The following ITGB6 variants were observed in gnomAD, a reference collection of about 807,000 sequenced individuals.
ITGB6 encodes the protein integrin subunit beta 6.
Under a neutral mutation model 84.5 loss-of-function variants are expected in ITGB6, and 80 were observed. The observed-to-expected ratio is 0.95, with a 90% CI of 0.79 to 1.14. The LOEUF (loss-of-function observed/expected upper bound fraction) is 1.14. Ranked by LOEUF, ITGB6 falls within the 50% of genes most tolerant of loss-of-function variation. The pLI is 0.00. For synonymous variants in ITGB6, 383 were observed against 354.9 expected (o/e 1.08, Z -0.89); for missense variants, 1,006 against 968.0 (o/e 1.04, Z -0.52).
chr2:160,164,387 C>G (rs929158319), intron 7 of ITGB6, among the ~76,000 whole-genome samples: 7 of 152,124 alleles, frequency 4.6e-5, no homozygotes, highest in Admixed American at 4.6e-4. Flanking sequence ...ATTTAGATCT[C>G]GCATTATTGA....
intron 10 of ITGB6, among the ~76,000 whole-genome samples, chr2:160,131,928 G>T (rs1403501764): frequency 6.6e-6 from 1 of 152,136 alleles, no homozygotes; most frequent in African/African-American, 2.4e-5. Flanking sequence ...GCAAAGCTCT[G>T]TTGCTAAACA....
chr2:160,147,465 G>A (rs1328698741), intron 7 of ITGB6, among the ~76,000 whole-genome samples: 1 of 152,122 alleles, frequency 6.6e-6, no homozygotes, highest in Non-Finnish European at 1.5e-5. Context: ...ATTATTTTGT[G>A]GATATGAACA....
At chr2:160,175,895 G>A (rs569516075) in intron 4 of ITGB6, among the ~76,000 whole-genome samples, 1 of 152,214 alleles carries the variant, frequency 6.6e-6, no homozygotes. Flanking sequence ...CATTGCTTGG[G>A]GCAAGTTTGC....
At chr2:160,168,536 C>A (rs374557098) in intron 7 of ITGB6, among the ~76,000 whole-genome samples, 4 of 152,154 alleles carry the variant, frequency 2.6e-5, no homozygotes, top group African/African-American at 9.6e-5. Context: ...CATATTTTTC[C>A]TAGGCTGGGA....
chr2:160,109,288 C>T lies in ITGB6; in HGVS notation c.2102-1443G>A, dbSNP rs567460846. Among the ~76,000 whole-genome samples the T allele has an allele frequency of 5.0e-4, 76 of 152,326 alleles. 1 individual carries two copies. The highest frequency in any genetic ancestry group is 1.8e-3 in the African/African-American group (76 of 41,572). On this transcript the variant is annotated intron_variant, in intron 13 of 14. Coordinates refer to ENST00000283249, the MANE Select transcript of ITGB6 (RefSeq NM_000888.5). ...CTATTACTGTATGAAGATCTAAAGA[C>T]TATATTCTCGCATAGCAAATGAACC...
At chr2:160,107,920 T>C in intron 13 of ITGB6, 75 bp from the exon 14 acceptor site, 4 of 1,279,806 alleles carry the variant, frequency 3.1e-6, no homozygotes, top group Non-Finnish European at 3.3e-6. Context: ...TCTTGTTGGA[T>C]TTTCATCTAC....
chr2:160,185,622 C>T (rs1685862625), intron 4 of ITGB6, among the ~76,000 whole-genome samples: 3 of 152,158 alleles, frequency 2.0e-5, no homozygotes, highest in African/African-American at 7.2e-5. Flanking sequence ...GAAAAAACTA[C>T]TTTAAATTTC....
chr2:160,109,250 G>A (rs922709385), intron 13 of ITGB6, among the ~76,000 whole-genome samples: 2 of 152,184 alleles, frequency 1.3e-5, no homozygotes, highest in Non-Finnish European at 2.9e-5. Flanking sequence ...AAGTAAAGGA[G>A]CTAATGACAT....
At chr2:160,163,369 C>T (rs1014973229) in intron 7 of ITGB6, among the ~76,000 whole-genome samples, 1 of 152,192 alleles carries the variant, frequency 6.6e-6, no homozygotes, top group Non-Finnish European at 1.5e-5. Context: ...CAGTGCCTCA[C>T]ACCTGTAATT....
At chr2:160,156,159 T>C (rs1199609809) in intron 7 of ITGB6, among the ~76,000 whole-genome samples, 22 of 152,210 alleles carry the variant, frequency 1.4e-4, no homozygotes, top group Admixed American at 1.4e-3. Flanking sequence ...GCCACTTAAA[T>C]TGCAGAAAGT....
Position 160,100,823 on chromosome 2 carries a change from T to TAA in ITGB6, c.*911_*912dup, listed in dbSNP as rs1397446310. The TAA allele has an allele frequency of 6.6e-6, 1 of 152,228 alleles. No homozygotes were observed. The highest frequency in any genetic ancestry group is 1.5e-5 in the Non-Finnish European group (1 of 68,032). The allele number at this position is 152,228 out of a possible 1,614,324, so 9.4% of individuals were successfully genotyped here. On this transcript the variant is annotated 3_prime_UTR_variant, in exon 15 of 15. Coordinates refer to ENST00000283249, the MANE Select transcript of ITGB6 (RefSeq NM_000888.5). ...GAGCCATTTAAAATTTTATTGTGTTTAACACATGTTCCTTTTATATTATTG... is the reference window on the plus strand; with the variant it reads ...GAGCCATTTAAAATTTTATTGTGTTTAAAACACATGTTCCTTTTATATTATTG...
chr2:160,108,560 A>G (rs765606788), intron 13 of ITGB6, among the ~76,000 whole-genome samples: 3 of 152,166 alleles, frequency 2.0e-5, no homozygotes, highest in Non-Finnish European at 2.9e-5. Flanking sequence ...TCTGTAAAAC[A>G]AAGTTCAGTG....
chr2:160,149,551 C>T (rs542357793), intron 7 of ITGB6, among the ~76,000 whole-genome samples: 34 of 152,148 alleles, frequency 2.2e-4, no homozygotes, highest in South Asian at 2.1e-4. Context: ...CTCTTCTCCT[C>T]CAAAGAATTG....
At chr2:160,182,710 A>G (rs929451258) in intron 4 of ITGB6, among the ~76,000 whole-genome samples, 1 of 152,208 alleles carries the variant, frequency 6.6e-6, no homozygotes, top group Non-Finnish European at 1.5e-5. Flanking sequence ...CCAAGGTTGA[A>G]ATGAAGGAAA....
intron 4 of ITGB6, among the ~76,000 whole-genome samples, chr2:160,180,113 CA>C (rs34572460): frequency 1.4e-3 from 113 of 82,088 alleles, no homozygotes; most frequent in Middle Eastern, 7.2e-3. Context: ...AACTCCACCT[CA>C]AAAAAAAAAA....
At chr2:160,184,437 C>T (rs890434397) in intron 4 of ITGB6, among the ~76,000 whole-genome samples, 3 of 152,058 alleles carry the variant, frequency 2.0e-5, no homozygotes, top group African/African-American at 7.2e-5. Context: ...AGGAAGAAGT[C>T]GAATACCTGA....
chr2:160,164,107 G>A (rs188819707), intron 7 of ITGB6, among the ~76,000 whole-genome samples: 1 of 152,298 alleles, frequency 6.6e-6, no homozygotes, highest in Admixed American at 6.5e-5. Flanking sequence ...CTCAGCTGGA[G>A]TCTCTTTCCA....
At chr2:160,194,474 A>G (rs1686257759) in intron 4 of ITGB6, among the ~76,000 whole-genome samples, 1 of 152,016 alleles carries the variant, frequency 6.6e-6, no homozygotes, top group Admixed American at 6.6e-5. Context: ...TTTGGGACAA[A>G]TCAAATCTTG....
intron 12 of ITGB6, among the ~76,000 whole-genome samples, chr2:160,117,897 A>G (rs1682856401): frequency 6.6e-6 from 1 of 152,222 alleles, no homozygotes; most frequent in South Asian, 2.1e-4. Flanking sequence ...CTCTATGCAA[A>G]TAAACTGGAA....
Sources: gnomAD v4.1 joint callset for allele counts (sites outside exome capture counted in the v4.1 genomes callset) on GRCh38, gnomAD v4.1.1 for gene constraint, MANE v1.5 for transcripts, NCBI Gene and HGNC (gene_info 2026-07-23, HGNC 2026-07-21) for gene names.